Variants in FER1L5 observed in about 807,000 individuals in gnomAD.
The protein encoded by FER1L5 is fer-1 like family member 5.
In FER1L5, 187 loss-of-function variants were observed where a neutral mutation model predicts 279.9. That is an observed-to-expected ratio of 0.67 (90% confidence interval 0.59 to 0.75). The LOEUF (loss-of-function observed/expected upper bound fraction) is 0.75. FER1L5 is among the 30% of genes least tolerant of loss of function. The pLI, the probability that FER1L5 is intolerant of heterozygous loss-of-function variation, is 0.00. For synonymous variants in FER1L5, 921 were observed against 989.7 expected (o/e 0.93, Z 1.30); for missense variants, 2,091 against 2,594.4 (o/e 0.81, Z 4.21).
chr2:96,698,091 T>C lies in FER1L5; in HGVS notation c.4291T>C (p.Cys1431Arg). The change falls in exon 40 of 53, where the codon TGC (cysteine) becomes CGC (arginine). Residue 1431 changes from cysteine to arginine, a missense_variant. Physicochemically the swap from Cys to Arg is radical, Grantham distance 180. Transcript: ENST00000624922. The surrounding 1 kb of genome is among the most constrained non-coding windows in gnomAD (Gnocchi z 5.5). Reference sequence around the variant, plus strand: ...AGCCTTCCAGGGCCTGCAGGACTTCTGCCAGACCTTCAAACTCTACCAGGA... The same window carrying C: ...AGCCTTCCAGGGCCTGCAGGACTTCCGCCAGACCTTCAAACTCTACCAGGA... ...VPAFQGLQDF[C>R]QTFKLYQEQP... 1 of 1,589,942 alleles carries C rather than the reference T, an allele frequency of 6.3e-7. No individual in the cohort carries two copies. Among genetic ancestry groups the C allele is most frequent in the Non-Finnish European group, 8.6e-7 (1 of 1,168,398 alleles).
intron 10 of FER1L5, among the ~76,000 whole-genome samples, chr2:96,660,911 T>A (rs2075929917): frequency 6.6e-6 from 1 of 152,258 alleles, no homozygotes; most frequent in Non-Finnish European, 1.5e-5. Flanking sequence ...TCCCTTTGGG[T>A]CAAGTGCTAG....
At chr2:96,662,105 G>A (rs1179756211) in intron 12 of FER1L5, 110 bp from the exon 13 acceptor site, 1 of 1,111,112 alleles carries the variant, frequency 9.0e-7, no homozygotes, top group Non-Finnish European at 1.3e-6. Flanking sequence ...CTGCCCAGGG[G>A]GCACCCCTCT....
rs750341048 is a variant in FER1L5, at chr2:96,671,106, C to CAAAAAAAAAAAAAAAAAAA, written c.1491+863_1491+881dup. On this transcript the variant is annotated intron_variant, in intron 18 of 52. Transcript: ENST00000624922. Reference sequence around the variant, plus strand: ...TGGGTGACAGAGTGAGACTCCATCTCAAAAAAAAAAAAAAAAAAAAAAGGA... The same window carrying CAAAAAAAAAAAAAAAAAAA: ...TGGGTGACAGAGTGAGACTCCATCTCAAAAAAAAAAAAAAAAAAAAAAAAAAAAAAAAAAAAAAAAAGGA... 1.1e-3 allele frequency among the ~76,000 whole-genome samples: 45 copies of CAAAAAAAAAAAAAAAAAAA among 40,202 alleles called. 9 individuals are homozygous for CAAAAAAAAAAAAAAAAAAA. Among genetic ancestry groups the CAAAAAAAAAAAAAAAAAAA allele is most frequent in the East Asian group, 5.1e-3 (6 of 1,166 alleles). 26.4% of individuals were successfully genotyped at this position (40,202 alleles called of 152,430 possible). A position where few individuals can be genotyped will look rare whatever the true frequency, so the allele number is the denominator to read the frequency against.
intron 8 of FER1L5, 102 bp from the exon 9 acceptor site, chr2:96,654,344 A>G: frequency 7.6e-6 from 3 of 396,166 alleles, no homozygotes; most frequent in Middle Eastern, 1.3e-3. Context: ...AGCATTCAAT[A>G]CGTCAGGAGG....
intron 19 of FER1L5, among the ~76,000 whole-genome samples, chr2:96,675,641 G>A (rs1049012404): frequency 3.3e-5 from 5 of 152,140 alleles, no homozygotes; most frequent in Non-Finnish European, 7.3e-5. Flanking sequence ...TGGCCAGGCT[G>A]GCCTTGAACT....
chr2:96,649,827 TA>T (rs2106436280), intron 5 of FER1L5, 150 bp downstream of exon 5: 1 of 742,180 alleles, frequency 1.3e-6, no homozygotes, highest in East Asian at 2.7e-5. Flanking sequence ...CTACAGGGTC[TA>T]GATGCCAGAT....
At chr2:96,653,245 G>T (rs911947379) in intron 7 of FER1L5, 9 of 228,748 alleles carry the variant, frequency 3.9e-5, no homozygotes, top group Non-Finnish European at 7.7e-5. Context: ...GGAGGCCTCT[G>T]CTTCTGGGGG....
At position 96,647,575 on chromosome 2, in the gene FER1L5, C is replaced by T. The variant is rs551892430; in HGVS notation, c.231-203C>T. Among the ~76,000 whole-genome samples, 9 of 152,330 alleles carry T rather than the reference C, an allele frequency of 5.9e-5. No individual in the cohort carries two copies. In the South Asian group the frequency reaches 1.9e-3, roughly 32 times the overall value. ...CCTGGTCCAATCAACTGTTACTTGC[C>T]TCGGAGCCCCAAGACAGTTCTCAGA... On this transcript the variant is annotated intron_variant, in intron 3 of 52. Transcript: ENST00000624922.
chr2:96,667,509 G>C (rs1292208682), intron 14 of FER1L5, among the ~76,000 whole-genome samples: 3 of 151,626 alleles, frequency 2.0e-5, no homozygotes, highest in Non-Finnish European at 4.4e-5. Context: ...CACCACACCC[G>C]GCTAATTTTG....
Position 96,648,910 on chromosome 2 carries a change from G to A in FER1L5, c.340-713G>A, listed in dbSNP as rs773471571. Among the ~76,000 whole-genome samples the A allele has an allele frequency of 2.6e-5, 4 of 152,218 alleles. No homozygotes were observed. The South Asian group carries it at 8.3e-4, about 31-fold the overall frequency. ...AAGTCAAGGCACATTCAGTCTGTCA[G>A]TTGAGTTGTAAGAAGAGGCTTGAGT... On this transcript the variant is annotated intron_variant, in intron 4 of 52. Transcript: ENST00000624922.
chr2:96,679,060 G>A (rs921434388), intron 19 of FER1L5, among the ~76,000 whole-genome samples: 10 of 151,954 alleles, frequency 6.6e-5, no homozygotes, highest in African/African-American at 2.2e-4. Context: ...TTTCTTCTAA[G>A]TTTTCTAGTT....
chr2:96,684,191 C>A, intron 19 of FER1L5, 136 bp from the exon 20 acceptor site: 1 of 1,188,790 alleles, frequency 8.4e-7, no homozygotes, highest in Non-Finnish European at 1.1e-6. Flanking sequence ...AGCTGGAGGG[C>A]TCCAGTCAGC....
intron 18 of FER1L5, 92 bp downstream of exon 18, chr2:96,670,339 GC>G: frequency 6.7e-7 from 1 of 1,490,374 alleles, no homozygotes; most frequent in Non-Finnish European, 9.0e-7. Context: ...GTGTAGAGAG[GC>G]CCTGGCCACT....
chr2:96,666,662 T>A (rs2076138586), intron 14 of FER1L5, among the ~76,000 whole-genome samples: 1 of 151,820 alleles, frequency 6.6e-6, no homozygotes, highest in Non-Finnish European at 1.5e-5. Context: ...TTTATTTATT[T>A]TTTTTTTTTA....
intron 4 of FER1L5, 100 bp from the exon 5 acceptor site, chr2:96,649,523 G>A: frequency 8.9e-7 from 1 of 1,120,260 alleles, no homozygotes; most frequent in Admixed American, 2.1e-5. Flanking sequence ...GCCCCCACCA[G>A]GAGGACCAGG....
Position 96,646,437 on chromosome 2 carries a change from A to G in FER1L5, c.122A>G (p.Asp41Gly). ...KKRTRVVEGN[D>G]PVWNETLIWH... ...AGAACTCGTGTGGTGGAAGGGAATGATCCCGTGTGGAATGAGGTAGACAAC... is the reference window on the plus strand; with the variant it reads ...AGAACTCGTGTGGTGGAAGGGAATGGTCCCGTGTGGAATGAGGTAGACAAC... The change falls in exon 2 of 53, where the codon GAT (aspartate) becomes GGT (glycine). Residue 41 changes from aspartate (D) to glycine (G), a missense_variant. Transcript: ENST00000624922. 1 of 1,551,816 alleles carries G rather than the reference A, an allele frequency of 6.4e-7. No homozygotes were observed. The highest frequency in any genetic ancestry group is 8.7e-7 in the Non-Finnish European group (1 of 1,146,968).
In FER1L5 at chr2:96,694,257, A is replaced by C; in HGVS notation, c.3637-103A>C. ...TAAGTCCCCCTGCCAGCCCCTACCC[A>C]TGGGGCTCTGGGCTCGGTGAGGCCT... On this transcript the variant is annotated intron_variant, in intron 33 of 52. Transcript: ENST00000624922. The surrounding 1 kb of genome is among the most constrained non-coding windows in gnomAD (Gnocchi z 4.6). 7 of 1,308,274 alleles carry C rather than the reference A, an allele frequency of 5.4e-6. No individual in the cohort carries two copies. The South Asian group carries it at 6.1e-5, about 11-fold the overall frequency. 81.0% of individuals were successfully genotyped at this position (1,308,274 alleles called of 1,614,324 possible).
intron 18 of FER1L5, among the ~76,000 whole-genome samples, chr2:96,670,973 G>T (rs1220790061): frequency 6.6e-6 from 1 of 151,318 alleles, no homozygotes; most frequent in African/African-American, 2.4e-5. Flanking sequence ...CAGGCATGGT[G>T]GCTTGCGCCT....
chr2:96,642,769 A>G lies in FER1L5; in HGVS notation c.-68A>G, dbSNP rs1332830026. 1 of 1,488,102 alleles carries G rather than the reference A, an allele frequency of 6.7e-7. No individual in the cohort carries two copies. 92.2% of individuals were successfully genotyped at this position (1,488,102 alleles called of 1,614,324 possible). On this transcript the variant is annotated 5_prime_UTR_variant, in exon 1 of 53. Transcript: ENST00000624922. The stretch of plus-strand genomic sequence containing the variant: ...CCAGGATCGCTGGGAAAAGTCTTGG[A>G]CTGAGGAGCTCCAAAAAGGAAGCTG...
Sources: allele counts gnomAD v4.1 joint callset (sites outside exome capture counted in the v4.1 genomes callset), GRCh38; gene constraint gnomAD v4.1.1; non-coding constraint Gnocchi (gnomAD v3.1); transcripts MANE v1.5; gene names NCBI Gene and HGNC (gene_info 2026-07-23, HGNC 2026-07-21).